The following KCNJ6 variants were observed in gnomAD, a reference collection of about 807,000 sequenced individuals.
KCNJ6 encodes G protein-activated inward rectifier potassium channel 2.
In KCNJ6, 9 loss-of-function variants were observed where a neutral mutation model predicts 34.2. That is an observed-to-expected ratio of 0.26 (90% CI 0.16 to 0.46). The LOEUF is 0.46. KCNJ6 is among the 20% of genes least tolerant of loss of function. KCNJ6 has a pLI of 1.00. For missense variants in KCNJ6, 236 were observed against 531.3 expected (o/e 0.44, Z 5.46); for synonymous variants, 196 against 207.1 (o/e 0.95, Z 0.46).
At chr21:37,825,982 G>A (rs2055397243) in intron 2 of KCNJ6, among the ~76,000 whole-genome samples, 3 of 152,142 alleles carry the variant, frequency 2.0e-5, no homozygotes, top group Non-Finnish European at 4.4e-5. Flanking sequence ...AATTCAAGAT[G>A]AGATTTGGGA....
chr21:37,707,931 C>A (rs1006642714), intron 3 of KCNJ6, among the ~76,000 whole-genome samples: 1 of 151,992 alleles, frequency 6.6e-6, no homozygotes, highest in African/African-American at 2.4e-5. Context: ...TTGGATGATG[C>A]TGTTCCTTTG....
intron 2 of KCNJ6, among the ~76,000 whole-genome samples, chr21:37,779,105 G>T (rs562272227): frequency 2.6e-5 from 4 of 152,184 alleles, no homozygotes; most frequent in East Asian, 3.9e-4. Context: ...TTGCATTTGG[G>T]TTAACTTTTA....
At chr21:37,873,098 C>A (rs2055660472) in intron 1 of KCNJ6, among the ~76,000 whole-genome samples, 1 of 152,152 alleles carries the variant, frequency 6.6e-6, no homozygotes, top group South Asian at 2.1e-4. Context: ...TTGACAAAGC[C>A]TAGCTGTTTC....
chr21:37,700,171 C>A (rs1345230385), intron 3 of KCNJ6, among the ~76,000 whole-genome samples: 2 of 151,856 alleles, frequency 1.3e-5, no homozygotes, highest in Non-Finnish European at 2.9e-5. Flanking sequence ...TGGTCAGTCA[C>A]CCATGAAACA....
intron 2 of KCNJ6, among the ~76,000 whole-genome samples, chr21:37,808,438 A>G (rs1601481752): frequency 6.6e-6 from 1 of 152,352 alleles, no homozygotes; most frequent in Non-Finnish European, 1.5e-5. Flanking sequence ...ACGTTAGCAA[A>G]CATCCTACCA....
chr21:37,814,071 T>C (rs977730246), intron 2 of KCNJ6, among the ~76,000 whole-genome samples: 1 of 152,162 alleles, frequency 6.6e-6, no homozygotes, highest in Non-Finnish European at 1.5e-5. Context: ...ACAAATCTAA[T>C]AATCCGATCA....
chr21:37,645,331 C>T (rs1291219989), intron 3 of KCNJ6, among the ~76,000 whole-genome samples: 5 of 152,252 alleles, frequency 3.3e-5, no homozygotes, highest in South Asian at 4.2e-4. Flanking sequence ...CACTACTGCA[C>T]TCCAGCCTAG....
At chr21:37,853,049 T>A in intron 1 of KCNJ6, among the ~76,000 whole-genome samples, 1 of 145,190 alleles carries the variant, frequency 6.9e-6, no homozygotes, top group Non-Finnish European at 1.5e-5. Flanking sequence ...TAACAAAAGA[T>A]CAAACATTTA....
At chr21:37,774,218 G>T (rs1049330353) in intron 2 of KCNJ6, among the ~76,000 whole-genome samples, 22 of 152,134 alleles carry the variant, frequency 1.4e-4, no homozygotes, top group African/African-American at 4.6e-4. Flanking sequence ...CTGGGCCTCA[G>T]TTTCCTCAGC....
At chr21:37,711,276 C>A (rs527877038) in intron 3 of KCNJ6, among the ~76,000 whole-genome samples, 13 of 152,344 alleles carry the variant, frequency 8.5e-5, no homozygotes, top group Non-Finnish European at 1.9e-4. Context: ...CAACTCCGGT[C>A]TCCGGAAAAC....
chr21:37,674,802 T>C (rs2054557366), intron 3 of KCNJ6, among the ~76,000 whole-genome samples: 1 of 152,088 alleles, frequency 6.6e-6, no homozygotes, highest in Admixed American at 6.6e-5. Context: ...CTCACTTGGA[T>C]GTAAGCTTGG....
intron 2 of KCNJ6, among the ~76,000 whole-genome samples, chr21:37,742,958 C>A (rs2123477435): frequency 6.6e-6 from 1 of 152,310 alleles, no homozygotes; most frequent in African/African-American, 2.4e-5. Flanking sequence ...CCACATGTTG[C>A]CTCTGTTGTC....
At chr21:37,831,445 C>G (rs575425939) in intron 2 of KCNJ6, among the ~76,000 whole-genome samples, 247 of 152,278 alleles carry the variant, frequency 1.6e-3, no homozygotes, top group South Asian at 9.7e-3. Flanking sequence ...CTCCCCTGGT[C>G]CTGCAGGTAA....
intron 2 of KCNJ6, among the ~76,000 whole-genome samples, chr21:37,723,164 A>G (rs2054835551): frequency 6.6e-6 from 1 of 152,262 alleles, no homozygotes; most frequent in African/African-American, 2.4e-5. Context: ...GTCAACAAAC[A>G]TATGAAAAAA....
At chr21:37,784,467 T>C (rs1019506994) in intron 2 of KCNJ6, among the ~76,000 whole-genome samples, 9 of 152,210 alleles carry the variant, frequency 5.9e-5, no homozygotes, top group African/African-American at 1.9e-4. Context: ...AAAGTTCATG[T>C]CCACCTAGAA....
chr21:37,835,399 A>C (rs1010161783), intron 2 of KCNJ6, among the ~76,000 whole-genome samples: 1 of 152,150 alleles, frequency 6.6e-6, no homozygotes, highest in Admixed American at 6.5e-5. Flanking sequence ...TCTGATTACA[A>C]TTTAAATATC....
chr21:37,756,656 GATTCCA>G lies in KCNJ6; in HGVS notation c.26-41531_26-41526del, dbSNP rs1223782688. ...AGTGAGCACTCCCTCACAGCGTGATGATTCCAGCCTGGAGTGAGCACTCCCTCACAG... is the reference window on the plus strand; with the variant it reads ...AGTGAGCACTCCCTCACAGCGTGATGGCCTGGAGTGAGCACTCCCTCACAG... On this transcript the variant is annotated intron_variant, in intron 2 of 3. Transcript: ENST00000609713. Among the ~76,000 whole-genome samples, 324 of 148,646 alleles carry G rather than the reference GATTCCA, an allele frequency of 2.2e-3. 5 individuals carry two copies. Among genetic ancestry groups the G allele is most frequent in the African/African-American group, 3.8e-3 (148 of 39,126 alleles).
Position 37,613,321 on chromosome 21 carries a change from C to T in KCNJ6, c.*11838G>A, listed in dbSNP as rs2054249497. 1.3e-5 allele frequency: 2 copies of T among 152,198 alleles called. No homozygotes were observed. 9.4% of individuals were successfully genotyped at this position (152,198 alleles called of 1,614,324 possible). A position where few individuals can be genotyped will look rare whatever the true frequency, so the allele number is the denominator to read the frequency against. ...GGTGAAGATATGGAGCAACGGGAAC[C>T]CTCATTCATCGCTAGTGGAATGCAA... On this transcript the variant is annotated 3_prime_UTR_variant, in exon 4 of 4. Transcript: ENST00000609713.
intron 2 of KCNJ6, among the ~76,000 whole-genome samples, chr21:37,778,403 T>A (rs1451915509): frequency 2.6e-5 from 4 of 152,184 alleles, no homozygotes; most frequent in African/African-American, 9.7e-5. Context: ...CTAGAGAACA[T>A]GGAAAGACAA....
Sources: gnomAD v4.1 joint callset for allele counts (sites outside exome capture counted in the v4.1 genomes callset) on GRCh38, gnomAD v4.1.1 for gene constraint, MANE v1.5 for transcripts, NCBI Gene and HGNC (gene_info 2026-07-23, HGNC 2026-07-21) for gene names.